The following WWOX variants were observed in gnomAD, a reference collection of about 807,000 sequenced individuals.
The protein encoded by WWOX is WW domain-containing oxidoreductase.
Under a neutral mutation model 46.2 loss-of-function variants are expected in WWOX, and 69 were observed. That is an observed-to-expected ratio of 1.49 (90% CI 1.23 to 1.82). The LOEUF (loss-of-function observed/expected upper bound fraction) is 1.82, where lower values mean the gene tolerates loss of function less well. Among genes scored for constraint, WWOX ranks in the 40% most tolerant of loss-of-function variants. The probability of loss-of-function intolerance (pLI) is 0.00; values close to 1 mark genes in which losing one functional copy is unlikely to be tolerated. For synonymous variants in WWOX, 359 were observed against 202.6 expected, an observed-to-expected ratio of 1.77 and a Z score of -6.56; for missense variants, 919 against 542.6, an observed-to-expected ratio of 1.69 and a Z score of -6.89.
intron 8 of WWOX, among the ~76,000 whole-genome samples, chr16:78,833,006 G>A (rs999844617): frequency 2.7e-5 from 4 of 150,752 alleles, no homozygotes; most frequent in Non-Finnish European, 4.4e-5. Context: ...GAAAAGCAAA[G>A]TGGCCAGGCT....
intron 8 of WWOX, among the ~76,000 whole-genome samples, chr16:78,463,870 C>G (rs1030366105): frequency 1.3e-5 from 2 of 152,210 alleles, no homozygotes; most frequent in Non-Finnish European, 2.9e-5. Flanking sequence ...GTGAGCTAAA[C>G]TTCCTCCTTT....
chr16:78,418,003 C>G (rs1420613990), intron 6 of WWOX, among the ~76,000 whole-genome samples: 1 of 152,186 alleles, frequency 6.6e-6, no homozygotes, highest in Non-Finnish European at 1.5e-5. Context: ...CTTCAAACAA[C>G]AACAGTGATT....
chr16:78,563,538 T>C (rs2044491322), intron 8 of WWOX, among the ~76,000 whole-genome samples: 1 of 151,448 alleles, frequency 6.6e-6, no homozygotes, highest in East Asian at 1.9e-4. Context: ...TTTTTCTTTT[T>C]TTTTTTCTCC....
intron 8 of WWOX, among the ~76,000 whole-genome samples, chr16:79,111,054 T>A (rs2049407122): frequency 6.6e-6 from 1 of 152,304 alleles, no homozygotes; most frequent in South Asian, 2.1e-4. Context: ...CAGAGATCAT[T>A]TGTACCCTTA....
At chr16:78,801,335 T>C (rs111503077) in intron 8 of WWOX, among the ~76,000 whole-genome samples, 17,522 of 151,978 alleles carry the variant, frequency 0.12, 1,158 homozygotes, top group African/African-American at 0.18. Flanking sequence ...CATGGTGAAA[T>C]CCCATCTCTA....
intron 8 of WWOX, among the ~76,000 whole-genome samples, chr16:78,520,515 G>A (rs2043325164): frequency 6.6e-6 from 1 of 151,898 alleles, no homozygotes; most frequent in African/African-American, 2.4e-5. Flanking sequence ...TTCTGTGGAA[G>A]AAACACAGCT....
chr16:79,041,277 C>T (rs955369273), intron 8 of WWOX, among the ~76,000 whole-genome samples: 1 of 152,176 alleles, frequency 6.6e-6, no homozygotes, highest in Admixed American at 6.5e-5. Context: ...TAAGGTTAAT[C>T]ATCTCCCTGT....
intron 8 of WWOX, among the ~76,000 whole-genome samples, chr16:79,003,702 T>A (rs2047138391): frequency 6.6e-6 from 1 of 152,154 alleles, no homozygotes; most frequent in Non-Finnish European, 1.5e-5. Context: ...TCCAGCACCG[T>A]GGTCTCAGGG....
intron 8 of WWOX, among the ~76,000 whole-genome samples, chr16:78,788,474 G>C (rs1189597168): frequency 6.6e-6 from 1 of 152,166 alleles, no homozygotes; most frequent in African/African-American, 2.4e-5. Context: ...CTGGGGAAAG[G>C]AATGCTGACC....
chr16:78,334,808 G>A (rs199585303), intron 5 of WWOX, among the ~76,000 whole-genome samples: 45 of 78,810 alleles, frequency 5.7e-4, no homozygotes, highest in South Asian at 1.6e-3. Flanking sequence ...ACACACACAC[G>A]CACACACACA....
At chr16:78,825,696 A>T (rs1001993278) in intron 8 of WWOX, 1 of 543,888 alleles carries the variant, frequency 1.8e-6, no homozygotes, top group Non-Finnish European at 3.5e-6. Flanking sequence ...GGTTTCTGGG[A>T]GACTCTGAGG....
chr16:78,913,378 T>C (rs528827287), intron 8 of WWOX, among the ~76,000 whole-genome samples: 10 of 152,072 alleles, frequency 6.6e-5, no homozygotes, highest in Admixed American at 3.3e-4. Flanking sequence ...CAATGGACTG[T>C]TGGAAGACGA....
At chr16:78,768,107 G>C (rs2049969380) in intron 8 of WWOX, among the ~76,000 whole-genome samples, 1 of 151,242 alleles carries the variant, frequency 6.6e-6, no homozygotes, top group South Asian at 2.1e-4. Flanking sequence ...GTTTTACCGG[G>C]TAATTGTAAT....
chr16:78,379,617 C>G (rs996074256), intron 5 of WWOX, among the ~76,000 whole-genome samples: 1 of 152,168 alleles, frequency 6.6e-6, no homozygotes, highest in Admixed American at 6.5e-5. Context: ...CCCACATGCA[C>G]AAGATGGGAG....
chr16:78,803,900 G>C (rs573870397), intron 8 of WWOX, among the ~76,000 whole-genome samples: 2 of 152,280 alleles, frequency 1.3e-5, no homozygotes, highest in Non-Finnish European at 2.9e-5. Flanking sequence ...ACCATCACCA[G>C]ACAAACAGGT....
chr16:78,352,130 G>A (rs1209642977), intron 5 of WWOX, among the ~76,000 whole-genome samples: 1 of 152,158 alleles, frequency 6.6e-6, no homozygotes, highest in Non-Finnish European at 1.5e-5. Context: ...CGGCCTATGC[G>A]ATTGTGAAAA....
At chr16:78,363,966 C>A (rs530544562) in intron 5 of WWOX, among the ~76,000 whole-genome samples, 2 of 152,162 alleles carry the variant, frequency 1.3e-5, no homozygotes, top group Non-Finnish European at 2.9e-5. Flanking sequence ...TGCTGACATC[C>A]GACTGACCAA....
At chr16:78,845,957 C>G (rs576347768) in intron 8 of WWOX, among the ~76,000 whole-genome samples, 4 of 152,086 alleles carry the variant, frequency 2.6e-5, no homozygotes, top group Admixed American at 2.6e-4. Context: ...TAAAATAATT[C>G]ATTTGGAAGG....
chr16:78,368,696 C>T (rs1055455576), intron 5 of WWOX, among the ~76,000 whole-genome samples: 2 of 152,150 alleles, frequency 1.3e-5, no homozygotes, highest in South Asian at 2.1e-4. Context: ...CCCTTCCCCT[C>T]CCCCCTCTAA....
Sources: allele counts gnomAD v4.1 joint callset (sites outside exome capture counted in the v4.1 genomes callset), GRCh38; gene constraint gnomAD v4.1.1; transcripts MANE v1.5; gene names NCBI Gene and HGNC (gene_info 2026-07-23, HGNC 2026-07-21).